Variants in PUM1 observed in about 807,000 individuals in gnomAD.
The protein encoded by PUM1 is pumilio RNA binding family member 1, also known as pumilio homolog 1.
Under a neutral mutation model 131.8 loss-of-function variants are expected in PUM1, and 13 were observed. The ratio of observed to expected loss-of-function variants is 0.10; its 90% confidence interval spans 0.06 to 0.16. The LOEUF is 0.16. Among genes scored for constraint, PUM1 ranks in the 10% least tolerant of loss-of-function variants. The probability of loss-of-function intolerance (pLI) is 1.00; values close to 1 mark genes in which losing one functional copy is unlikely to be tolerated. For missense variants in PUM1, 961 were observed against 1,512.4 expected (o/e 0.64, Z 6.05); for synonymous variants, 509 against 556.5 (o/e 0.91, Z 1.20).
intron 14 of PUM1, among the ~76,000 whole-genome samples, chr1:30,963,952 A>T (rs1446113862): frequency 1.3e-5 from 2 of 152,210 alleles, no homozygotes; most frequent in African/African-American, 4.8e-5. Context: ...CATGCTTGAG[A>T]TAAGAAAACA....
intron 6 of PUM1, among the ~76,000 whole-genome samples, chr1:30,994,833 C>T (rs1641925812): frequency 6.6e-6 from 1 of 152,186 alleles, no homozygotes; most frequent in Non-Finnish European, 1.5e-5. Flanking sequence ...TATGCAAATG[C>T]AAAATCTATC....
rs142761838 is a variant in PUM1, at chr1:30,996,560, T to C, written c.721-1340A>G. ...AAATGTGATACAGAAAAAGATAATA[T>C]AAAAAAAGAACAAATATGACAAGGA... On this transcript the variant is annotated intron_variant, in intron 5 of 21. Coordinates refer to ENST00000426105, the MANE Select transcript of PUM1 (RefSeq NM_001020658.2). 8.9e-4 allele frequency among the ~76,000 whole-genome samples: 136 copies of C among 152,174 alleles called. 1 individual carries two copies. Among genetic ancestry groups the C allele is most frequent in the Non-Finnish European group, 5.9e-5 (4 of 67,984 alleles).
At chr1:30,994,967 G>GA (rs1641930096) in intron 6 of PUM1, 87 bp downstream of exon 6, 1 of 1,441,836 alleles carries the variant, frequency 6.9e-7, no homozygotes, top group Admixed American at 2.2e-5. Context: ...AAGAGGGGAA[G>GA]AAAACGAAAA....
At chr1:31,038,984 A>ATATATATATT in intron 2 of PUM1, among the ~76,000 whole-genome samples, 54 of 49,384 alleles carry the variant, frequency 1.1e-3, no homozygotes, top group African/African-American at 2.5e-3. Context: ...ATATATATAT[A>ATATATATATT]TTTTTTTTTT....
chr1:30,960,502 A>C (rs1640360072), intron 14 of PUM1, among the ~76,000 whole-genome samples: 1 of 152,212 alleles, frequency 6.6e-6, no homozygotes, highest in South Asian at 2.1e-4. Context: ...ATCCTACAGA[A>C]TCCACCCAAA....
intron 7 of PUM1, among the ~76,000 whole-genome samples, chr1:30,990,504 G>A (rs1463397955): frequency 1.3e-5 from 2 of 152,062 alleles, no homozygotes; most frequent in Non-Finnish European, 2.9e-5. Flanking sequence ...AAACTAAAAG[G>A]ATAAGGGATA....
intron 7 of PUM1, among the ~76,000 whole-genome samples, chr1:30,992,166 AG>A (rs1188120383): frequency 1.3e-5 from 2 of 152,230 alleles, no homozygotes; most frequent in Non-Finnish European, 2.9e-5. Flanking sequence ...GAAGAACCAA[AG>A]GAAGTACATA....
intron 2 of PUM1, among the ~76,000 whole-genome samples, chr1:31,033,301 C>G (rs973237063): frequency 6.6e-5 from 10 of 150,832 alleles, no homozygotes; most frequent in Admixed American, 1.3e-4. Context: ...ACCTTCCAGG[C>G]TCAAGTGATC....
rs191659295 is a variant in PUM1, at chr1:31,041,065, A to G, written c.364-12201T>C. On this transcript the variant is annotated intron_variant, in intron 2 of 21. Coordinates refer to ENST00000426105, the MANE Select transcript of PUM1 (RefSeq NM_001020658.2). The stretch of plus-strand genomic sequence containing the variant: ...AAAGCAACATAGGTATAATCTCGGA[A>G]CTATTGTCGGCAGAAACAGGAGGCA... Among the ~76,000 whole-genome samples, 137 of 152,330 alleles carry G rather than the reference A, an allele frequency of 9.0e-4. 1 individual carries two copies. The highest frequency in any genetic ancestry group is 3.5e-3 in the Admixed American group (54 of 15,300).
At chr1:30,993,236 GATGAACTCATTATCT>G (rs1397337979) in intron 6 of PUM1, among the ~76,000 whole-genome samples, 5 of 150,688 alleles carry the variant, frequency 3.3e-5, no homozygotes, top group Non-Finnish European at 7.4e-5. Context: ...AGTAGTACAA[GATGAACTCATTATCT>G]AGGATATGCC....
chr1:30,933,429 C>CACACACACAT lies in PUM1; in HGVS notation c.3436-97_3436-88dup, dbSNP rs984829255. The CACACACACAT allele has an allele frequency of 4.9e-6, 5 of 1,024,608 alleles. No individual in the cohort carries two copies. In the South Asian group the frequency reaches 5.1e-5, roughly 10 times the overall value. The allele number at this position is 1,024,608 out of a possible 1,614,324, so 63.5% of individuals were successfully genotyped here. A position where few individuals can be genotyped will look rare whatever the true frequency, so the allele number is the denominator to read the frequency against. ...GGACATGCATTTGCATGTCATGCATCACACACACATACACACACACACACA... is the reference window on the plus strand; with the variant it reads ...GGACATGCATTTGCATGTCATGCATCACACACACATACACACACATACACACACACACACA... On this transcript the variant is annotated intron_variant, in intron 21 of 21. Coordinates refer to ENST00000426105, the MANE Select transcript of PUM1 (RefSeq NM_001020658.2).
chr1:30,994,955 T>C (rs954476949), intron 6 of PUM1, 99 bp downstream of exon 6: 9 of 1,266,994 alleles, frequency 7.1e-6, no homozygotes, highest in African/African-American at 3.0e-5. Context: ...AAAGAAAACA[T>C]GAAGAGGGGA....
chr1:30,998,468 T>C (rs528225669), intron 5 of PUM1, among the ~76,000 whole-genome samples: 122 of 140,012 alleles, frequency 8.7e-4, no homozygotes, highest in African/African-American at 3.3e-3. Flanking sequence ...GGAGACGCCA[T>C]CTCTAAAAAA....
intron 12 of PUM1, 21 bp from the exon 13 acceptor site, chr1:30,966,299 C>A: frequency 1.9e-6 from 3 of 1,550,472 alleles, no homozygotes; most frequent in Non-Finnish European, 2.6e-6. Context: ...GAAAGCAAAC[C>A]GTTTGGCTAT....
chr1:30,992,340 C>G (rs777088427), intron 7 of PUM1, 50 bp downstream of exon 7: 1 of 1,578,618 alleles, frequency 6.3e-7, no homozygotes, highest in Non-Finnish European at 8.6e-7. Flanking sequence ...ACTTGAACAA[C>G]GTGCTGGCTG....
intron 15 of PUM1, among the ~76,000 whole-genome samples, chr1:30,953,264 A>G (rs1446192447): frequency 6.6e-6 from 1 of 152,214 alleles, no homozygotes; most frequent in African/African-American, 2.4e-5. Context: ...TGTTGTCACC[A>G]TAATTATGCT....
At chr1:30,953,117 T>C (rs777306751) in intron 15 of PUM1, among the ~76,000 whole-genome samples, 6 of 152,212 alleles carry the variant, frequency 3.9e-5, no homozygotes, top group Non-Finnish European at 7.3e-5. Flanking sequence ...ATCTAGCCTA[T>C]AGAATTCAAA....
intron 2 of PUM1, chr1:31,051,172 A>T (rs1273423220): frequency 6.6e-6 from 1 of 151,970 alleles, no homozygotes; most frequent in Non-Finnish European, 1.5e-5. Flanking sequence ...AAAAAAAAAG[A>T]CTAACAGCAC....
At chr1:30,978,564 T>A (rs1377672011) in intron 9 of PUM1, among the ~76,000 whole-genome samples, 2 of 152,256 alleles carry the variant, frequency 1.3e-5, no homozygotes, top group African/African-American at 4.8e-5. Flanking sequence ...AGTTCATAAT[T>A]GCAAATTACA....
Sources: gnomAD v4.1 joint callset for allele counts (sites outside exome capture counted in the v4.1 genomes callset) on GRCh38, gnomAD v4.1.1 for gene constraint, MANE v1.5 for transcripts, NCBI Gene and HGNC (gene_info 2026-07-23, HGNC 2026-07-21) for gene names.